Variants in LDHB observed in about 807,000 individuals in gnomAD.
LDHB encodes lactate dehydrogenase B.
A neutral mutation model predicts 33.4 loss-of-function variants in LDHB; 18 were observed. The ratio of observed to expected loss-of-function variants is 0.54; its 90% confidence interval spans 0.37 to 0.80. The LOEUF is 0.80. Ranked by LOEUF, LDHB falls within the 30% of genes least tolerant of loss-of-function variation. The probability of loss-of-function intolerance (pLI) is 0.00; values close to 1 mark genes in which losing one functional copy is unlikely to be tolerated. For missense variants in LDHB, 345 were observed against 407.9 expected (o/e 0.85, Z 1.33); for synonymous variants, 121 against 140.6 (o/e 0.86, Z 0.98).
chr12:21,653,633 T>C (rs1355316768), intron 2 of LDHB, among the ~76,000 whole-genome samples: 1 of 145,050 alleles, frequency 6.9e-6, no homozygotes, highest in Admixed American at 7.3e-5. Flanking sequence ...AATCTACCTA[T>C]GAACATACAC....
chr12:21,643,235 C>T (rs776822793), intron 4 of LDHB, among the ~76,000 whole-genome samples: 4 of 152,184 alleles, frequency 2.6e-5, no homozygotes, highest in Non-Finnish European at 5.9e-5. Context: ...ATAATCAGTC[C>T]AGTTTCTTTA....
chr12:21,654,363 T>C, intron 2 of LDHB, 180 bp downstream of exon 2: 1 of 619,978 alleles, frequency 1.6e-6, no homozygotes, highest in South Asian at 2.0e-5. Flanking sequence ...AGGGAGAATA[T>C]AATTCTTTTA....
chr12:21,648,424 C>T (rs1677108), intron 2 of LDHB, among the ~76,000 whole-genome samples: 143,473 of 151,784 alleles, frequency 0.95, 68,313 homozygotes, highest in East Asian at 1. Flanking sequence ...TTTCAATATA[C>T]TTTTGGTTGA....
In LDHB at chr12:21,657,800, CAA is replaced by C; in HGVS notation, c.-58_-57del. The stretch of plus-strand genomic sequence containing the variant: ...CTCTGTAACAGTCGTGCGGAGAAGA[CAA>C]AGTCAGCTGCGTGCGTCTCCTCCGG... On this transcript the variant is annotated 5_prime_UTR_variant, in exon 1 of 8. Coordinates refer to ENST00000350669, the MANE Select transcript of LDHB (RefSeq NM_002300.8). 1 of 152,560 alleles carries C rather than the reference CAA, an allele frequency of 6.6e-6. No homozygotes were observed. The highest frequency in any genetic ancestry group is 1.9e-4 in the East Asian group (1 of 5,170). The allele number at this position is 152,560 out of a possible 1,614,324, so 9.5% of individuals were successfully genotyped here. A position where few individuals can be genotyped will look rare whatever the true frequency, so the allele number is the denominator to read the frequency against.
intron 5 of LDHB, among the ~76,000 whole-genome samples, chr12:21,638,707 T>C (rs1172850510): frequency 1.3e-5 from 2 of 151,948 alleles, no homozygotes; most frequent in African/African-American, 4.8e-5. Flanking sequence ...CAAAGCAGAA[T>C]TGCTGTGTCA....
intron 5 of LDHB, among the ~76,000 whole-genome samples, chr12:21,640,452 TCATA>T (rs138229001): frequency 0.023 from 3,534 of 152,112 alleles, 156 homozygotes; most frequent in African/African-American, 0.081. Context: ...TTTAGTTTTA[TCATA>T]CAGTCTCTTA....
intron 3 of LDHB, among the ~76,000 whole-genome samples, chr12:21,644,652 G>A (rs539806479): frequency 1.3e-5 from 2 of 151,934 alleles, no homozygotes; most frequent in African/African-American, 2.4e-5. Context: ...GTCCTTTTTC[G>A]AAATATATGG....
intron 2 of LDHB, among the ~76,000 whole-genome samples, chr12:21,649,305 G>A (rs1056325761): frequency 2.0e-5 from 3 of 152,138 alleles, no homozygotes; most frequent in Admixed American, 6.5e-5. Context: ...AAGGAAGGAA[G>A]AGATCCAACA....
chr12:21,654,478 G>A (rs1474393288), intron 2 of LDHB, 65 bp downstream of exon 2: 1 of 1,475,806 alleles, frequency 6.8e-7, no homozygotes, highest in Non-Finnish European at 9.5e-7. Context: ...AAATTCCAAG[G>A]TGCCCAAAGA....
At chr12:21,643,816 A>C in intron 4 of LDHB, 119 bp downstream of exon 4, 1 of 787,498 alleles carries the variant, frequency 1.3e-6, no homozygotes, top group Non-Finnish European at 2.2e-6. Context: ...CAATGAAAGA[A>C]GACATGTAAA....
intron 5 of LDHB, among the ~76,000 whole-genome samples, chr12:21,640,637 C>T (rs915499176): frequency 6.6e-5 from 10 of 152,026 alleles, no homozygotes; most frequent in Admixed American, 4.6e-4. Flanking sequence ...TCTGTCTACT[C>T]AAAGGGCCTA....
chr12:21,646,568 C>T (rs1677110), intron 3 of LDHB, among the ~76,000 whole-genome samples: 143,942 of 152,278 alleles, frequency 0.95, 68,526 homozygotes, highest in East Asian at 1. Context: ...TGATCACTTA[C>T]GGCTAGCAAA....
At chr12:21,641,574 GT>G (rs1265138242) in intron 5 of LDHB, among the ~76,000 whole-genome samples, 7 of 152,190 alleles carry the variant, frequency 4.6e-5, no homozygotes, top group Admixed American at 1.3e-4. Flanking sequence ...TATTGAGACA[GT>G]TGATAACTTG....
At chr12:21,639,902 A>G (rs1182872977) in intron 5 of LDHB, among the ~76,000 whole-genome samples, 2 of 152,020 alleles carry the variant, frequency 1.3e-5, no homozygotes, top group Non-Finnish European at 2.9e-5. Context: ...ATTCTTATAT[A>G]AAAAATCAGA....
At chr12:21,655,570 T>A (rs1272605980) in intron 1 of LDHB, among the ~76,000 whole-genome samples, 8 of 152,250 alleles carry the variant, frequency 5.3e-5, no homozygotes, top group Admixed American at 5.2e-4. Flanking sequence ...ATTCAAAGTC[T>A]GCAAAAATAT....
In LDHB at chr12:21,644,004, A is replaced by C; in HGVS notation, c.352T>G (p.Phe118Val). The C allele has an allele frequency of 6.2e-7, 1 of 1,612,950 alleles. No individual in the cohort carries two copies. Among genetic ancestry groups the C allele is most frequent in the Non-Finnish European group, 8.5e-7 (1 of 1,178,928 alleles). ...ACGATCTGAGGAATAATGAATTTGA[A>C]GACATTAACATTTCTCTGCACCAGA... ...LNLVQRNVNV[F>V]KFIIPQIVKY... is the part of the protein sequence containing the mutation. Residue 118 changes from phenylalanine (F) to valine (V), a missense_variant, in exon 4 of 8, where the codon TTC (phenylalanine) becomes GTC (valine). Transcript: ENST00000350669.
intron 3 of LDHB, among the ~76,000 whole-genome samples, chr12:21,645,469 C>A (rs1938495386): frequency 6.6e-6 from 1 of 152,144 alleles, no homozygotes. Context: ...TCCTGCTCGT[C>A]CCTGGGCAAT....
chr12:21,657,048 A>C (rs540049887), intron 1 of LDHB: 1 of 152,178 alleles, frequency 6.6e-6, no homozygotes, highest in African/African-American at 2.4e-5. Context: ...CCGGCAGCAA[A>C]GAACAGCAGA....
In LDHB at chr12:21,635,794, GT is replaced by G. The variant is rs1471030327; in HGVS notation, c.838-86del. 7 of 1,248,062 alleles carry G rather than the reference GT, an allele frequency of 5.6e-6. No individual in the cohort carries two copies. In the African/African-American group the frequency reaches 1.0e-4, roughly 18 times the overall value. 77.3% of individuals were successfully genotyped at this position (1,248,062 alleles called of 1,614,324 possible). A position where few individuals can be genotyped will look rare whatever the true frequency, so the allele number is the denominator to read the frequency against. On this transcript the variant is annotated intron_variant, in intron 7 of 7. Transcript: ENST00000350669. ...GACAGGAGGCTGAGGTGGGAGGACT[GT>G]TTGAGCCCAGGAGTTTGAAGCTTCA...
Sources: allele counts gnomAD v4.1 joint callset (sites outside exome capture counted in the v4.1 genomes callset), GRCh38; gene constraint gnomAD v4.1.1; transcripts MANE v1.5; gene names NCBI Gene and HGNC (gene_info 2026-07-23, HGNC 2026-07-21).